ZEB1: variants seen among roughly 807,000 people sequenced by gnomAD.
ZEB1 encodes the protein zinc finger E-box-binding homeobox 1.
ZEB1 carries 21 observed loss-of-function variants against 84.9 expected under a neutral mutation model. The observed-to-expected ratio is 0.25, with a 90% CI of 0.18 to 0.36. The LOEUF is 0.36. ZEB1 is among the 10% of genes least tolerant of loss of function. The pLI is 1.00. For synonymous variants in ZEB1, 420 were observed against 471.1 expected (o/e 0.89, Z 1.41); for missense variants, 1,104 against 1,330.2 (o/e 0.83, Z 2.65).
intron 3 of ZEB1, among the ~76,000 whole-genome samples, chr10:31,501,988 G>A (rs1321012215): frequency 6.6e-6 from 1 of 152,092 alleles, no homozygotes; most frequent in East Asian, 1.9e-4. Flanking sequence ...TTGCTAAGAA[G>A]GTGACCTTTG....
At chr10:31,402,944 T>TG (rs2052341080) in intron 1 of ZEB1, among the ~76,000 whole-genome samples, 1 of 152,144 alleles carries the variant, frequency 6.6e-6, no homozygotes, top group African/African-American at 2.4e-5. Context: ...TACAATCTTT[T>TG]GGGGCTCTAT....
At chr10:31,484,737 A>G (rs2065497084) in intron 2 of ZEB1, among the ~76,000 whole-genome samples, 1 of 151,982 alleles carries the variant, frequency 6.6e-6, no homozygotes, top group Non-Finnish European at 1.5e-5. Flanking sequence ...GCTGACAGAA[A>G]AGGAATGATA....
chr10:31,349,862 C>T (rs1462782852), intron 1 of ZEB1, among the ~76,000 whole-genome samples: 1 of 152,140 alleles, frequency 6.6e-6, no homozygotes, highest in African/African-American at 2.4e-5. Flanking sequence ...TTCTCCCATT[C>T]TGCAGGTTGT....
intron 1 of ZEB1, among the ~76,000 whole-genome samples, chr10:31,335,218 G>A (rs1387498438): frequency 6.6e-6 from 1 of 152,110 alleles, no homozygotes; most frequent in African/African-American, 2.4e-5. Flanking sequence ...CGCCCAGGAT[G>A]TGGATCCTCC....
intron 1 of ZEB1, among the ~76,000 whole-genome samples, chr10:31,327,411 T>C (rs1176251962): frequency 6.6e-6 from 1 of 152,178 alleles, no homozygotes; most frequent in Non-Finnish European, 1.5e-5. Context: ...GCACCTGACA[T>C]ATAATTTACT....
chr10:31,444,744 G>C (rs1483596576), intron 1 of ZEB1, among the ~76,000 whole-genome samples: 1 of 151,828 alleles, frequency 6.6e-6, no homozygotes, highest in Non-Finnish European at 1.5e-5. Flanking sequence ...CGTTATTTCT[G>C]AGGGCTCTGT....
intron 3 of ZEB1, among the ~76,000 whole-genome samples, chr10:31,499,303 AT>A (rs1301478962): frequency 2.0e-5 from 3 of 152,176 alleles, no homozygotes; most frequent in African/African-American, 7.2e-5. Flanking sequence ...TTCAGAAATG[AT>A]TAAGGAAACT....
chr10:31,413,724 A>G (rs2054702743), intron 1 of ZEB1, among the ~76,000 whole-genome samples: 1 of 152,192 alleles, frequency 6.6e-6, no homozygotes. Flanking sequence ...AGGGCTACTC[A>G]TAAAAAATAT....
intron 6 of ZEB1, among the ~76,000 whole-genome samples, 200 bp from the exon 7 acceptor site, chr10:31,519,926 A>G (rs1362891274): frequency 1.3e-5 from 2 of 152,204 alleles, no homozygotes; most frequent in Admixed American, 1.3e-4. Context: ...CAGAACATGT[A>G]CCTCAGACTT....
chr10:31,418,233 G>T (rs1221790017), intron 1 of ZEB1, among the ~76,000 whole-genome samples: 3 of 151,846 alleles, frequency 2.0e-5, no homozygotes, highest in African/African-American at 7.3e-5. Flanking sequence ...AGGAAGGGAT[G>T]GCTAAACAGA....
chr10:31,377,216 G>C (rs2046802122), intron 1 of ZEB1, among the ~76,000 whole-genome samples: 1 of 150,690 alleles, frequency 6.6e-6, no homozygotes, highest in Non-Finnish European at 1.5e-5. Context: ...CCAGTCAACA[G>C]TTGTCTATTG....
chr10:31,396,438 T>C (rs2050742514), intron 1 of ZEB1, among the ~76,000 whole-genome samples: 2 of 152,118 alleles, frequency 1.3e-5, no homozygotes, highest in Non-Finnish European at 1.5e-5. Context: ...AAAGAAATGA[T>C]GGAAGTGGTA....
chr10:31,434,080 T>C (rs1441086986), intron 1 of ZEB1, among the ~76,000 whole-genome samples: 3 of 152,252 alleles, frequency 2.0e-5, no homozygotes, highest in Non-Finnish European at 4.4e-5. Flanking sequence ...GCAATTAGCA[T>C]GTTAAAAATT....
chr10:31,423,709 G>A (rs1482839049), intron 1 of ZEB1, among the ~76,000 whole-genome samples: 2 of 152,016 alleles, frequency 1.3e-5, no homozygotes, highest in Admixed American at 1.3e-4. Flanking sequence ...TGGCTATATA[G>A]CAAGTTTGTT....
chr10:31,386,608 A>G (rs894646756), intron 1 of ZEB1, among the ~76,000 whole-genome samples: 10 of 152,116 alleles, frequency 6.6e-5, no homozygotes, highest in African/African-American at 2.4e-4. Flanking sequence ...TTTACATTCT[A>G]GTAGATTGAT....
intron 1 of ZEB1, among the ~76,000 whole-genome samples, chr10:31,404,504 T>A (rs771460392): frequency 6.6e-5 from 10 of 152,170 alleles, no homozygotes; most frequent in Non-Finnish European, 1.3e-4. Flanking sequence ...GAATTTGTTT[T>A]CACCTTTACT....
At chr10:31,350,316 T>C (rs1294639758) in intron 1 of ZEB1, among the ~76,000 whole-genome samples, 1 of 152,214 alleles carries the variant, frequency 6.6e-6, no homozygotes, top group African/African-American at 2.4e-5. Context: ...TTATCTTTGA[T>C]ATGTAAGAAA....
intron 1 of ZEB1, among the ~76,000 whole-genome samples, chr10:31,416,301 T>TAAA (rs10656569): frequency 0.28 from 42,640 of 151,944 alleles, 13,927 homozygotes; most frequent in African/African-American, 0.8. Flanking sequence ...ACTTCTAAGC[T>TAAA]ATTGATATAA....
Position 31,524,002 on chromosome 10 carries a change from C to G in ZEB1, c.2674C>G (p.Pro892Ala). 1 of 1,613,928 alleles carries G rather than the reference C, an allele frequency of 6.2e-7. No individual in the cohort carries two copies. The highest frequency in any genetic ancestry group is 1.1e-5 in the South Asian group (1 of 91,074). Residue 892 changes from proline (P) to alanine (A), a missense_variant, in exon 8 of 9, where the codon CCG becomes GCG. Transcript: ENST00000424869. ...VEDQNDSDST[P>A]PKKKMRKTEN... ...GGATCAGAATGACTCTGATTCTACA[C>G]CGCCCAAAAAGAAAATGCGGAAGAC...
Sources: gnomAD v4.1 joint callset for allele counts (sites outside exome capture counted in the v4.1 genomes callset) on GRCh38, gnomAD v4.1.1 for gene constraint, MANE v1.5 for transcripts, NCBI Gene and HGNC (gene_info 2026-07-23, HGNC 2026-07-21) for gene names.